Variants in CCDC141 observed in about 807,000 individuals in gnomAD.
The protein encoded by CCDC141 is coiled-coil domain containing 141, also known as coiled-coil domain-containing protein 141.
CCDC141 carries 168 observed loss-of-function variants against 181.0 expected under a neutral mutation model. The observed-to-expected ratio is 0.93, with a 90% confidence interval of 0.82 to 1.05. The LOEUF (loss-of-function observed/expected upper bound fraction) is 1.05. Among genes scored for constraint, CCDC141 ranks in the 50% least tolerant of loss-of-function variants. CCDC141 has a pLI of 0.00. For missense variants in CCDC141, 1,902 were observed against 1,788.5 expected, an observed-to-expected ratio of 1.06 and a Z score of -1.14; for synonymous variants, 666 against 642.3, an observed-to-expected ratio of 1.04 and a Z score of -0.56.
intron 12 of CCDC141, chr2:178,874,660 C>G (rs928553180): frequency 6.6e-6 from 1 of 152,184 alleles, no homozygotes; most frequent in South Asian, 2.1e-4. Context: ...GAGAACTGGT[C>G]GGACAACCGG....
At chr2:178,817,987 G>A in the CCDC141 span, among the ~76,000 whole-genome samples, 2 of 152,066 alleles carry the variant, frequency 1.3e-5, no homozygotes, top group East Asian at 1.9e-4. Flanking sequence ...ATTTTTAGTA[G>A]AGACGAGATT....
At chr2:178,969,100 CAACCAAA>C (rs2154379754) in intron 4 of CCDC141, among the ~76,000 whole-genome samples, 1 of 87,700 alleles carries the variant, frequency 1.1e-5, no homozygotes, top group Non-Finnish European at 2.0e-5. Flanking sequence ...AATAGCTTAC[CAACCAAA>C]AAAAAAAAAA....
intron 22 of CCDC141, among the ~76,000 whole-genome samples, chr2:178,844,475 C>T (rs1684852586): frequency 2.6e-5 from 4 of 152,228 alleles, no homozygotes; most frequent in Non-Finnish European, 1.5e-5. Flanking sequence ...ATCAGAGTAA[C>T]GTAAAACCAT....
rs1690455666 is a variant in CCDC141 at position 178,962,623 on chromosome 2, TTTCC to T, written c.527-1144_527-1141del. Among the ~76,000 whole-genome samples, 3 of 140,372 alleles carry T rather than the reference TTTCC, an allele frequency of 2.1e-5. No homozygotes were observed. The South Asian group carries it at 7.3e-4, about 34-fold the overall frequency. 92.1% of individuals were successfully genotyped at this position (140,372 alleles called of 152,430 possible). On this transcript the variant is annotated intron_variant, in intron 4 of 23. Transcript: ENST00000443758. ...TTCTTTCTTTTCTTTCTTTTCCTTC[TTTCC>T]TTCTTTCTTTCCTTTCCTTCTTTCT...
At chr2:178,821,102 A>AGTATGT in the CCDC141 span, among the ~76,000 whole-genome samples, 32,745 of 151,784 alleles carry the variant, frequency 0.22, 5,889 homozygotes, top group East Asian at 0.73. Context: ...TTCATCAACT[A>AGTATGT]GCTATATTCC....
At chr2:178,851,948 T>C (rs1309364242) in intron 20 of CCDC141, among the ~76,000 whole-genome samples, 3 of 152,214 alleles carry the variant, frequency 2.0e-5, no homozygotes, top group African/African-American at 7.2e-5. Flanking sequence ...AGTGCCTCCC[T>C]TGATGCAAAT....
At chr2:179,020,472 C>A (rs527369160) in intron 2 of CCDC141, among the ~76,000 whole-genome samples, 1 of 152,272 alleles carries the variant, frequency 6.6e-6, no homozygotes, top group Non-Finnish European at 1.5e-5. Flanking sequence ...TAGCACTTCT[C>A]ATGGGATCAG....
chr2:178,886,528 C>G (rs1402721776), intron 10 of CCDC141, among the ~76,000 whole-genome samples: 1 of 152,068 alleles, frequency 6.6e-6, no homozygotes, highest in African/African-American at 2.4e-5. Context: ...GTGTTTAATA[C>G]CCAGCCGTAA....
At chr2:178,916,766 T>A (rs1371793743) in intron 7 of CCDC141, among the ~76,000 whole-genome samples, 2 of 152,128 alleles carry the variant, frequency 1.3e-5, no homozygotes, top group South Asian at 4.1e-4. Flanking sequence ...TATGGATAAA[T>A]CCCAGTGGAG....
intron 5 of CCDC141, among the ~76,000 whole-genome samples, chr2:178,948,620 A>G (rs1245020257): frequency 6.6e-6 from 1 of 152,102 alleles, no homozygotes; most frequent in African/African-American, 2.4e-5. Context: ...ATGGCATCTA[A>G]TGGAAGGTAT....
intron 2 of CCDC141, among the ~76,000 whole-genome samples, chr2:178,981,191 C>T (rs1400295192): frequency 6.6e-6 from 1 of 152,096 alleles, no homozygotes; most frequent in African/African-American, 2.4e-5. Flanking sequence ...TTATATCCAG[C>T]AGGCCGAAAA....
At chr2:178,919,800 CA>C (rs1188914146) in intron 6 of CCDC141, among the ~76,000 whole-genome samples, 1 of 152,114 alleles carries the variant, frequency 6.6e-6, no homozygotes, top group African/African-American at 2.4e-5. Context: ...ATTACCTTTG[CA>C]CCAACCTAAT....
intron 8 of CCDC141, among the ~76,000 whole-genome samples, chr2:178,898,633 C>T (rs768083577): frequency 2.0e-4 from 30 of 152,116 alleles, no homozygotes; most frequent in African/African-American, 7.0e-4. Flanking sequence ...ATGTAAATAA[C>T]CACAATTTGC....
rs140274896 is a variant in CCDC141, at chr2:178,845,279, A to G, written c.3474+347T>C. Among the ~76,000 whole-genome samples, 21 of 152,308 alleles carry G rather than the reference A, an allele frequency of 1.4e-4. 1 individual carries two copies. In the East Asian group the frequency reaches 4.1e-3, roughly 29 times the overall value. On this transcript the variant is annotated intron_variant, in intron 22 of 23. Coordinates refer to ENST00000443758, the MANE Select transcript of CCDC141 (RefSeq NM_173648.4). ...ATAAAAAGGGATAAGTAAAATTTGA[A>G]GTTGGATTGGATATAAAAAGACAAT...
intron 2 of CCDC141, among the ~76,000 whole-genome samples, chr2:178,998,047 G>T (rs905076769): frequency 3.3e-5 from 5 of 152,124 alleles, no homozygotes; most frequent in African/African-American, 1.2e-4. Flanking sequence ...AAAAGCAAGA[G>T]AAATCTCATT....
chr2:178,948,220 A>C (rs1274994286), intron 5 of CCDC141, among the ~76,000 whole-genome samples: 2 of 151,922 alleles, frequency 1.3e-5, no homozygotes, highest in East Asian at 3.9e-4. Flanking sequence ...AAAAAAAGTT[A>C]GTATTGATTA....
Position 178,907,995 on chromosome 2 carries a change from G to A in CCDC141, c.1093-2494C>T, listed in dbSNP as rs1213467560. Among the ~76,000 whole-genome samples the A allele has an allele frequency of 1.1e-4, 17 of 150,528 alleles. No homozygotes were observed. The East Asian group carries it at 1.9e-3, about 17-fold the overall frequency. ...GCCTGGGCAACAAGAGTGAAACTCC[G>A]TCTCAAAAAATAAAAAAAAAAATAA... On this transcript the variant is annotated intron_variant, in intron 7 of 23. Transcript: ENST00000443758.
intron 5 of CCDC141, among the ~76,000 whole-genome samples, chr2:178,949,313 A>G (rs1689855824): frequency 6.6e-6 from 1 of 152,212 alleles, no homozygotes; most frequent in Non-Finnish European, 1.5e-5. Flanking sequence ...GGCAGGTTAC[A>G]ACATAATTTC....
chr2:178,997,534 T>C (rs1692343123), intron 2 of CCDC141, among the ~76,000 whole-genome samples: 1 of 152,098 alleles, frequency 6.6e-6, no homozygotes, highest in South Asian at 2.1e-4. Flanking sequence ...GCCTAAGTTG[T>C]CTCACTCACA....
Sources: allele counts gnomAD v4.1 joint callset (sites outside exome capture counted in the v4.1 genomes callset), GRCh38; gene constraint gnomAD v4.1.1; transcripts MANE v1.5; gene names NCBI Gene and HGNC (gene_info 2026-07-23, HGNC 2026-07-21).